Variants in PTPRK observed in about 807,000 individuals in gnomAD.
PTPRK encodes the protein receptor-type tyrosine-protein phosphatase kappa.
A neutral mutation model predicts 178.0 loss-of-function variants in PTPRK; 75 were observed. That is an observed-to-expected ratio of 0.42 (90% CI 0.35 to 0.51). The LOEUF (loss-of-function observed/expected upper bound fraction) is 0.51. Among genes scored for constraint, PTPRK ranks in the 20% least tolerant of loss-of-function variants. The pLI, the probability that PTPRK is intolerant of heterozygous loss-of-function variation, is 0.02. For synonymous variants in PTPRK, 637 were observed against 620.6 expected (o/e 1.03, Z -0.39); for missense variants, 1,441 against 1,797.8 (o/e 0.80, Z 3.59).
At chr6:127,989,940 G>T (rs751023714) in intron 21 of PTPRK, among the ~76,000 whole-genome samples, 7 of 151,518 alleles carry the variant, frequency 4.6e-5, no homozygotes, top group Non-Finnish European at 7.4e-5. Context: ...TCACAATTTT[G>T]TGTGGTCAAA....
intron 13 of PTPRK, among the ~76,000 whole-genome samples, chr6:128,031,604 G>C (rs1029010702): frequency 1.3e-5 from 2 of 152,018 alleles, no homozygotes; most frequent in African/African-American, 4.8e-5. Context: ...AGTAACTAAT[G>C]AGTAAATGAC....
chr6:128,313,600 A>G (rs1316998847), intron 3 of PTPRK, among the ~76,000 whole-genome samples: 4 of 152,156 alleles, frequency 2.6e-5, no homozygotes, highest in Admixed American at 6.5e-5. Context: ...CATCCTAAAA[A>G]AAAGAATGGT....
chr6:128,339,361 A>T (rs1411576464), intron 2 of PTPRK, among the ~76,000 whole-genome samples: 1 of 152,194 alleles, frequency 6.6e-6, no homozygotes, highest in Non-Finnish European at 1.5e-5. Flanking sequence ...AAGCCCATGT[A>T]ACTAATTCAG....
intron 2 of PTPRK, among the ~76,000 whole-genome samples, chr6:128,368,879 T>C (rs1258570049): frequency 6.6e-6 from 1 of 152,080 alleles, no homozygotes; most frequent in Non-Finnish European, 1.5e-5. Context: ...CTTTCCATTA[T>C]TCAGAGGCTA....
At position 128,047,367 on chromosome 6, in the gene PTPRK, G is replaced by A. The variant is rs185351764; in HGVS notation, c.2194+17391C>T. ...TTCCCAGGATATAAACATACAAAAT[G>A]AAGAGGTAAACTCCAGACTATATGA... is the stretch of plus-strand genomic sequence containing the variant. On this transcript the variant is annotated intron_variant, in intron 13 of 29. Transcript: ENST00000368226. 7.1e-3 allele frequency among the ~76,000 whole-genome samples: 1,077 copies of A among 152,200 alleles called. 6 individuals are homozygous for A. The highest frequency in any genetic ancestry group is 0.014 in the Middle Eastern group (4 of 294).
chr6:128,004,104 C>A (rs997550413), intron 15 of PTPRK, among the ~76,000 whole-genome samples: 1 of 151,744 alleles, frequency 6.6e-6, no homozygotes, highest in Admixed American at 6.6e-5. Context: ...ATAGTTTGTA[C>A]AGGAGATAAT....
chr6:128,161,000 A>T (rs1240356901), intron 7 of PTPRK, among the ~76,000 whole-genome samples: 1 of 151,614 alleles, frequency 6.6e-6, no homozygotes, highest in Non-Finnish European at 1.5e-5. Context: ...GTATACATTT[A>T]TAAGCCTTAA....
At position 127,983,267 on chromosome 6, in the gene PTPRK, C is replaced by A; in HGVS notation, c.3362G>T (p.Arg1121Leu). ...IYNCVKALRSRRINMVQTEEQ... is the reference protein window; with the variant it reads ...IYNCVKALRSLRINMVQTEEQ... ...CTCTGTCTGGACCATATTAATACGCCGAGATCTTAAGGCTTTGACACAATT... is the reference window on the plus strand; with the variant it reads ...CTCTGTCTGGACCATATTAATACGCAGAGATCTTAAGGCTTTGACACAATT... The change falls in exon 23 of 30, where the codon CGG becomes CTG. Residue 1121 changes from arginine (R) to leucine (L), a missense_variant. By Grantham distance (102) the Arg-to-Leu change is moderately radical (BLOSUM62 -2). This residue lies in a region of PTPRK where 335 missense variants were observed against 512.4 expected (regional missense o/e 0.65). Transcript: ENST00000368226. The A allele has an allele frequency of 1.9e-6, 3 of 1,612,642 alleles. No individual in the cohort carries two copies. The highest frequency in any genetic ancestry group is 2.5e-6 in the Non-Finnish European group (3 of 1,179,226).
intron 2 of PTPRK, among the ~76,000 whole-genome samples, chr6:128,339,381 G>A (rs1473454848): frequency 1.3e-5 from 2 of 152,094 alleles, no homozygotes; most frequent in Non-Finnish European, 2.9e-5. Flanking sequence ...GGTATCTGAA[G>A]CATATTCACC....
At chr6:128,421,380 C>A (rs1051635858) in intron 1 of PTPRK, among the ~76,000 whole-genome samples, 2 of 152,016 alleles carry the variant, frequency 1.3e-5, no homozygotes, top group Non-Finnish European at 2.9e-5. Flanking sequence ...TTAAGAACAT[C>A]GGTATTTGTG....
At position 128,009,243 on chromosome 6, in the gene PTPRK, C is replaced by A; in HGVS notation, c.2220G>T (p.Val740=). 1 of 1,608,190 alleles carries A rather than the reference C, an allele frequency of 6.2e-7. No homozygotes were observed. The highest frequency in any genetic ancestry group is 8.5e-7 in the Non-Finnish European group (1 of 1,176,624). The change falls in exon 14 of 30, where the codon GTG becomes GTT. Residue 740 remains valine, a synonymous_variant. Transcript: ENST00000368226. ...CTGTCTGCTTGGCGGGATCTGGGAT[C>A]ACTTCTGGTTCTTCTGTTGCTGCTG... The part of the protein sequence containing the change: ...TKAAATEEPE[V]IPDPAKQTDR...
At chr6:128,029,519 C>T (rs1269257082) in intron 13 of PTPRK, among the ~76,000 whole-genome samples, 3 of 151,728 alleles carry the variant, frequency 2.0e-5, no homozygotes, top group Non-Finnish European at 2.9e-5. Context: ...GACAGGGTGG[C>T]GGGCACCTGT....
intron 2 of PTPRK, among the ~76,000 whole-genome samples, chr6:128,355,610 T>TA (rs1833845836): frequency 1.3e-5 from 2 of 152,024 alleles, no homozygotes; most frequent in African/African-American, 4.8e-5. Flanking sequence ...AGTAAATTTT[T>TA]AAAAAAATAT....
intron 27 of PTPRK, 138 bp downstream of exon 27, chr6:127,976,519 A>T: frequency 9.3e-7 from 1 of 1,077,934 alleles, no homozygotes; most frequent in Non-Finnish European, 1.3e-6. Context: ...ACTAAGGCAT[A>T]AGATGGTTAC....
At chr6:128,298,266 C>A (rs1243381524) in intron 3 of PTPRK, among the ~76,000 whole-genome samples, 2 of 151,984 alleles carry the variant, frequency 1.3e-5, no homozygotes, top group Non-Finnish European at 2.9e-5. Context: ...GAGTCCAGGA[C>A]CAGATGGATT....
intron 5 of PTPRK, among the ~76,000 whole-genome samples, chr6:128,220,790 T>C (rs1041705469): frequency 6.6e-6 from 1 of 152,208 alleles, no homozygotes; most frequent in African/African-American, 2.4e-5. Context: ...TTTTATTCAT[T>C]CAGTAAGATA....
intron 13 of PTPRK, among the ~76,000 whole-genome samples, chr6:128,045,023 C>G (rs1250201153): frequency 6.6e-6 from 1 of 151,878 alleles, no homozygotes; most frequent in Non-Finnish European, 1.5e-5. Flanking sequence ...TATAGCCTGT[C>G]TGTTACAACT....
chr6:128,379,210 C>G (rs1837526813), intron 2 of PTPRK, among the ~76,000 whole-genome samples: 1 of 152,076 alleles, frequency 6.6e-6, no homozygotes, highest in African/African-American at 2.4e-5. Flanking sequence ...CCTTTCTACT[C>G]TCTCTATCTC....
At chr6:128,508,862 G>A (rs377010724) in intron 1 of PTPRK, among the ~76,000 whole-genome samples, 2 of 151,498 alleles carry the variant, frequency 1.3e-5, no homozygotes, top group Non-Finnish European at 2.9e-5. Context: ...CAGGAGAATC[G>A]CTTGAACCCA....
Sources: gnomAD v4.1 joint callset for allele counts (sites outside exome capture counted in the v4.1 genomes callset) on GRCh38, gnomAD v4.1.1 for gene constraint, gnomAD v4.1.1 regional missense constraint, MANE v1.5 for transcripts, NCBI Gene and HGNC (gene_info 2026-07-23, HGNC 2026-07-21) for gene names.